The following GRAMD1B variants were observed in gnomAD, a reference collection of about 807,000 sequenced individuals.
The protein encoded by GRAMD1B is GRAM domain containing 1B.
A neutral mutation model predicts 99.7 loss-of-function variants in GRAMD1B; 37 were observed. The observed-to-expected ratio is 0.37, with a 90% confidence interval of 0.29 to 0.49. The LOEUF (loss-of-function observed/expected upper bound fraction) is 0.49, where lower values mean the gene tolerates loss of function less well. Ranked by LOEUF, GRAMD1B falls within the 20% of genes least tolerant of loss-of-function variation. The pLI, the probability that GRAMD1B is intolerant of heterozygous loss-of-function variation, is 0.98. For missense variants in GRAMD1B, 888 were observed against 1,009.2 expected, an observed-to-expected ratio of 0.88 and a Z score of 1.63; for synonymous variants, 427 against 387.6, an observed-to-expected ratio of 1.10 and a Z score of -1.19.
At chr11:123,453,758 G>GGACT (rs1440834839) in intron 1 of GRAMD1B, among the ~76,000 whole-genome samples, 1 of 152,094 alleles carries the variant, frequency 6.6e-6, no homozygotes, top group Non-Finnish European at 1.5e-5. Flanking sequence ...ACCAGCAATT[G>GGACT]GACTCAAACC....
intron 1 of GRAMD1B, among the ~76,000 whole-genome samples, chr11:123,432,832 G>A (rs1339707232): frequency 6.6e-6 from 1 of 152,124 alleles, no homozygotes; most frequent in Non-Finnish European, 1.5e-5. Context: ...CTGAGGAGTA[G>A]GATCCGTTAT....
rs774597386 is a variant in GRAMD1B, at chr11:123,461,597, TTTG to T, written c.375-19204_375-19202del. The stretch of plus-strand genomic sequence containing the variant: ...GCTGGTTGTTGAGACAGCTCTACTT[TTTG>T]TTGTTGTTGTTGTTTTGTTTTGAGA... On this transcript the variant is annotated intron_variant, in intron 1 of 19. Coordinates refer to ENST00000635736, the MANE Select transcript of GRAMD1B (RefSeq NM_001387025.1). 8.5e-5 allele frequency among the ~76,000 whole-genome samples: 13 copies of T among 152,298 alleles called. No homozygotes were observed. The East Asian group carries it at 1.3e-3, about 16-fold the overall frequency.
chr11:123,585,024 G>A (rs1187955954), intron 4 of GRAMD1B, among the ~76,000 whole-genome samples: 2 of 152,236 alleles, frequency 1.3e-5, no homozygotes, highest in Admixed American at 1.3e-4. Flanking sequence ...GCTGTCTGAG[G>A]CTCTCAGCTG....
intron 1 of GRAMD1B, chr11:123,460,362 A>C (rs144894388): frequency 2.6e-5 from 4 of 152,150 alleles, no homozygotes; most frequent in South Asian, 2.1e-4. Flanking sequence ...TGAATTATCT[A>C]CTTTGTGGAC....
chr11:123,590,761 G>T (rs1432983846), intron 4 of GRAMD1B, among the ~76,000 whole-genome samples: 2 of 152,182 alleles, frequency 1.3e-5, no homozygotes, highest in African/African-American at 2.4e-5. Context: ...AGGGCTGTGA[G>T]TCATAGTCCA....
At chr11:123,618,138 C>T (rs528953041) in intron 17 of GRAMD1B, among the ~76,000 whole-genome samples, 5 of 152,248 alleles carry the variant, frequency 3.3e-5, no homozygotes, top group African/African-American at 1.2e-4. Flanking sequence ...ATTTAGCACC[C>T]GTGGAAATAC....
chr11:123,515,566 C>T (rs1807540717), intron 2 of GRAMD1B, among the ~76,000 whole-genome samples: 1 of 152,022 alleles, frequency 6.6e-6, no homozygotes, highest in African/African-American at 2.4e-5. Flanking sequence ...GAACGGAGAG[C>T]CTTCTTCATA....
intron 1 of GRAMD1B, among the ~76,000 whole-genome samples, chr11:123,467,827 C>CT: frequency 3.0e-5 from 3 of 101,654 alleles, no homozygotes; most frequent in South Asian, 5.1e-4. Context: ...TTTTCCCTCC[C>CT]TCCCTCCCTC....
chr11:123,505,313 C>CTCGCTCTATA (rs1940312787), intron 2 of GRAMD1B, among the ~76,000 whole-genome samples: 1 of 152,030 alleles, frequency 6.6e-6, no homozygotes, highest in African/African-American at 2.4e-5. Flanking sequence ...ATTATAGACG[C>CTCGCTCTATA]GAGCCATCAT....
At chr11:123,466,688 C>A (rs928442052) in intron 1 of GRAMD1B, among the ~76,000 whole-genome samples, 1 of 152,042 alleles carries the variant, frequency 6.6e-6, no homozygotes, top group Non-Finnish European at 1.5e-5. Flanking sequence ...GGGGATGGTG[C>A]GTGTGTGGAG....
chr11:123,619,988 A>AGAGAC (rs1315310417), intron 19 of GRAMD1B, among the ~76,000 whole-genome samples: 1 of 152,204 alleles, frequency 6.6e-6, no homozygotes, highest in Non-Finnish European at 1.5e-5. Context: ...GTGACCAGCC[A>AGAGAC]GAGACGGCAT....
Position 123,480,917 on chromosome 11 carries a change from G to C in GRAMD1B, c.452+24G>C, listed in dbSNP as rs192501839. The C allele has an allele frequency of 5.8e-5, 23 of 398,770 alleles. No individual in the cohort carries two copies. The East Asian group carries it at 6.8e-4, about 12-fold the overall frequency. The allele number at this position is 398,770 out of a possible 1,614,324, so 24.7% of individuals were successfully genotyped here. On this transcript the variant is annotated intron_variant, in intron 2 of 19. Coordinates refer to ENST00000635736, the MANE Select transcript of GRAMD1B (RefSeq NM_001387025.1). ...AGGTAAGGTCCAACTCCGAGGGCGA[G>C]ATGGGGGCAAAGAATAGAGGGGGTG...
At chr11:123,374,690 G>T (rs754472283) in intron 1 of GRAMD1B, among the ~76,000 whole-genome samples, 3 of 152,196 alleles carry the variant, frequency 2.0e-5, no homozygotes, top group Non-Finnish European at 4.4e-5. Context: ...TTTATTTCTA[G>T]CTCACTTCAG....
chr11:123,517,445 A>G (rs1262417612), intron 2 of GRAMD1B, among the ~76,000 whole-genome samples: 3 of 152,182 alleles, frequency 2.0e-5, no homozygotes, highest in Non-Finnish European at 4.4e-5. Flanking sequence ...GTGAAAATGT[A>G]TTGAGCACTT....
At chr11:123,522,535 T>C (rs1335581838) in intron 2 of GRAMD1B, among the ~76,000 whole-genome samples, 1 of 152,142 alleles carries the variant, frequency 6.6e-6, no homozygotes, top group African/African-American at 2.4e-5. Flanking sequence ...GCAAGGCTGG[T>C]TTCGAACTCC....
At chr11:123,516,574 G>C (rs563468232) in intron 2 of GRAMD1B, among the ~76,000 whole-genome samples, 1 of 152,116 alleles carries the variant, frequency 6.6e-6, no homozygotes, top group Admixed American at 6.5e-5. Flanking sequence ...CCTTTTTCTG[G>C]CTCTTTTGTG....
chr11:123,423,404 C>T (rs1948529024), intron 1 of GRAMD1B, among the ~76,000 whole-genome samples: 1 of 152,140 alleles, frequency 6.6e-6, no homozygotes, highest in Non-Finnish European at 1.5e-5. Flanking sequence ...AGTAACTTTT[C>T]ACAGTCTAAC....
intron 1 of GRAMD1B, among the ~76,000 whole-genome samples, chr11:123,479,120 G>A (rs1446923519): frequency 6.6e-6 from 1 of 152,210 alleles, no homozygotes; most frequent in Non-Finnish European, 1.5e-5. Flanking sequence ...CGTGCTGCAT[G>A]GAAGGGAAGG....
At chr11:123,584,017 C>A (rs1022465574) in intron 3 of GRAMD1B, among the ~76,000 whole-genome samples, 13 of 152,108 alleles carry the variant, frequency 8.5e-5, no homozygotes, top group Non-Finnish European at 1.6e-4. Context: ...CCCCTCACCC[C>A]ATCAGAACCT....
Sources: allele counts gnomAD v4.1 joint callset (sites outside exome capture counted in the v4.1 genomes callset), GRCh38; gene constraint gnomAD v4.1.1; transcripts MANE v1.5; gene names NCBI Gene and HGNC (gene_info 2026-07-23, HGNC 2026-07-21).